The following CCKBR variants were observed in gnomAD, a reference collection of about 807,000 sequenced individuals.
CCKBR encodes the protein cholecystokinin B receptor.
In CCKBR, 33 loss-of-function variants were observed where a neutral mutation model predicts 34.6. That is an observed-to-expected ratio of 0.95 (90% confidence interval 0.72 to 1.27). The LOEUF (loss-of-function observed/expected upper bound fraction) is 1.27. CCKBR is among the 50% of genes most tolerant of loss of function. CCKBR has a pLI of 0.00. For synonymous variants in CCKBR, 269 were observed against 267.5 expected (o/e 1.01, Z -0.06); for missense variants, 652 against 617.4 (o/e 1.06, Z -0.59).
At chr11:6,262,150 G>A (rs908004182) in intron 1 of CCKBR, among the ~76,000 whole-genome samples, 7 of 152,198 alleles carry the variant, frequency 4.6e-5, no homozygotes, top group Admixed American at 2.0e-4. Context: ...AAATGTTAGT[G>A]GGGCATCCAG....
chr11:6,264,505 GA>G, intron 1 of CCKBR: 1 of 698,126 alleles, frequency 1.4e-6, no homozygotes, highest in Non-Finnish European at 2.6e-6. Context: ...TAAACACCAG[GA>G]GAAGAACTGA....
chr11:6,264,756 T>G (rs1848187071), intron 1 of CCKBR: 1 of 458,402 alleles, frequency 2.2e-6, no homozygotes, highest in African/African-American at 2.1e-5. Context: ...CATACAAGTC[T>G]AAGTCTGATT....
intron 3 of CCKBR, 151 bp downstream of exon 3, chr11:6,270,488 C>T (rs1025058582): frequency 5.8e-6 from 8 of 1,387,860 alleles, no homozygotes; most frequent in Non-Finnish European, 6.9e-6. Flanking sequence ...AGTTTGGGGC[C>T]CCTCCCCAGT....
At chr11:6,269,591 G>A in intron 1 of CCKBR, 78 bp from the exon 2 acceptor site, 1 of 1,527,712 alleles carries the variant, frequency 6.5e-7, no homozygotes. Context: ...AGTGAGGGTT[G>A]GGGATAAGAC....
In CCKBR at chr11:6,260,139, T is replaced by C. The variant is rs1043322194; in HGVS notation, c.151+60T>C. ...TTCTCACTGTACCCCAGAACACTAA[T>C]AGAGTCCCCCCAACGAGCTCCACAC... is the stretch of plus-strand genomic sequence containing the variant. On this transcript the variant is annotated intron_variant, in intron 1 of 4. Transcript: ENST00000334619. The C allele has an allele frequency of 1.5e-5, 19 of 1,263,740 alleles. No homozygotes were observed. In the African/African-American group the frequency reaches 3.0e-4, roughly 20 times the overall value. The allele number at this position is 1,263,740 out of a possible 1,614,324, so 78.3% of individuals were successfully genotyped here.
intron 1 of CCKBR, among the ~76,000 whole-genome samples, chr11:6,261,835 G>C (rs937072141): frequency 6.6e-6 from 1 of 152,132 alleles, no homozygotes; most frequent in Non-Finnish European, 1.5e-5. Context: ...GGAAGGCAGG[G>C]GGATACTTTA....
At position 6,270,206 on chromosome 11, in the gene CCKBR, G is replaced by T. The variant is rs892948534; in HGVS notation, c.522G>T (p.Val174=). The T allele has an allele frequency of 6.2e-7, 1 of 1,613,350 alleles. No individual in the cohort carries two copies. Among genetic ancestry groups the T allele is most frequent in the African/African-American group, 1.3e-5 (1 of 74,950 alleles). Reference sequence around the variant, plus strand: ...AGACGCGCTCCCACGCGGCTCGCGTGATTGTAGCCACGTGGCTGCTGTCCG... The same window carrying T: ...AGACGCGCTCCCACGCGGCTCGCGTTATTGTAGCCACGTGGCTGCTGTCCG... ...VWQTRSHAAR[V]IVATWLLSGL... is the part of the protein sequence containing the mutation. Residue 174 remains valine, a synonymous_variant, in exon 3 of 5, where the codon GTG becomes GTT. Coordinates refer to ENST00000334619, the MANE Select transcript of CCKBR (RefSeq NM_176875.4).
chr11:6,271,291 C>T lies in CCKBR; in HGVS notation c.1092C>T (p.His364=). 3.1e-6 allele frequency: 5 copies of T among 1,614,210 alleles called. No homozygotes were observed. The highest frequency in any genetic ancestry group is 4.2e-6 in the Non-Finnish European group (5 of 1,180,030). The change falls in exon 5 of 5, where the codon CAC becomes CAT. Residue 364 remains histidine (H), a synonymous_variant. Transcript: ENST00000334619. Reference sequence around the variant, plus strand: ...GCGCCTTTGATGGCCCGGGTGCACACCGAGCACTCTCGGGTGCTCCTATCT... The same window carrying T: ...GCGCCTTTGATGGCCCGGGTGCACATCGAGCACTCTCGGGTGCTCCTATCT... ...TWRAFDGPGA[H]RALSGAPISF...
Position 6,261,462 on chromosome 11 carries a change from T to TATATAC in CCKBR, c.151+1384_151+1385insTATACA, listed in dbSNP as rs764173521. Among the ~76,000 whole-genome samples, 377 of 63,980 alleles carry TATATAC rather than the reference T, an allele frequency of 5.9e-3. 12 individuals are homozygous for TATATAC. Among genetic ancestry groups the TATATAC allele is most frequent in the African/African-American group, 0.02 (331 of 16,670 alleles). 42.0% of individuals were successfully genotyped at this position (63,980 alleles called of 152,430 possible). ...AAAAAAAAAAAAAAAAAAATATATATACACACACACACACACACACACACA... is the reference window on the plus strand; with the variant it reads ...AAAAAAAAAAAAAAAAAAATATATATATATACACACACACACACACACACACACACA... On this transcript the variant is annotated intron_variant, in intron 1 of 4. Coordinates refer to ENST00000334619, the MANE Select transcript of CCKBR (RefSeq NM_176875.4).
Position 6,269,751 on chromosome 11 carries a change from C to T in CCKBR, c.234C>T (p.Val78=), listed in dbSNP as rs768018211. 15 of 1,614,006 alleles carry T rather than the reference C, an allele frequency of 9.3e-6. No individual in the cohort carries two copies. The highest frequency in any genetic ancestry group is 2.7e-5 in the African/African-American group (2 of 74,888). ...SVGGNMLIIV[V]LGLSRRLRTV... is the part of the protein sequence containing the mutation. The stretch of plus-strand genomic sequence containing the variant: ...GAGGAAATATGCTCATCATCGTGGT[C>T]CTGGGACTGAGCCGCCGCCTGAGGA... The change falls in exon 2 of 5, where the codon GTC becomes GTT. Residue 78 remains valine (V), a synonymous_variant. Transcript: ENST00000334619.
intron 1 of CCKBR, among the ~76,000 whole-genome samples, chr11:6,262,647 T>C (rs1029199228): frequency 2.7e-4 from 40 of 148,592 alleles, no homozygotes; most frequent in African/African-American, 9.6e-4. Flanking sequence ...TGAACCAAGG[T>C]ATGTAGCCAA....
chr11:6,271,114 G>A lies in CCKBR; in HGVS notation c.915G>A (p.Glu305=). The change falls in exon 5 of 5, where the codon GAG becomes GAA. Residue 305 remains glutamate, a synonymous_variant. Transcript: ENST00000334619. ...TTCCACGTTCCCGGCCTGCCCTGGA[G>A]CTGACGGCGCTGACGGCTCCTGGGC... ...VQLPRSRPAL[E]LTALTAPGPG... 1 of 1,613,946 alleles carries A rather than the reference G, an allele frequency of 6.2e-7. No homozygotes were observed. Among genetic ancestry groups the A allele is most frequent in the South Asian group, 1.1e-5 (1 of 91,052 alleles).
intron 1 of CCKBR, 95 bp from the exon 2 acceptor site, chr11:6,269,574 G>C (rs1386134746): frequency 2.8e-5 from 40 of 1,417,014 alleles, no homozygotes; most frequent in Non-Finnish European, 3.9e-5. Context: ...TAGGCATCTG[G>C]CTGGGTAGTG....
At chr11:6,267,641 A>T (rs1177066099) in intron 1 of CCKBR, among the ~76,000 whole-genome samples, 1 of 152,224 alleles carries the variant, frequency 6.6e-6, no homozygotes, top group Non-Finnish European at 1.5e-5. Context: ...TAAATACATC[A>T]ACCAGTCACA....
intron 3 of CCKBR, 105 bp downstream of exon 3, chr11:6,270,442 C>G: frequency 6.8e-7 from 1 of 1,463,670 alleles, no homozygotes; most frequent in Non-Finnish European, 9.3e-7. Flanking sequence ...AATTACCACG[C>G]CAACTCCTAT....
At chr11:6,260,169 T>TCC in intron 1 of CCKBR, 90 bp downstream of exon 1, 1 of 924,264 alleles carries the variant, frequency 1.1e-6, no homozygotes, top group Non-Finnish European at 1.5e-6. Context: ...CCACACTACC[T>TCC]TCTCAAACGT....
Position 6,271,047 on chromosome 11 carries a change from CTG to C in CCKBR, c.849_850del (p.Gly284ArgfsTer44), listed in dbSNP as rs1564889045. 6.2e-7 allele frequency: 1 copy of C among 1,614,216 alleles called. No homozygotes were observed. The highest frequency in any genetic ancestry group is 2.2e-5 in the East Asian group (1 of 44,876). On this transcript the variant is annotated frameshift_variant, in exon 5 of 5. Transcript: ENST00000334619. LOFTEE classifies it high-confidence loss of function. ...CAGAACGGGCGTTGCCGGCCTGAGA[CTG>C]GCGCGGTTGGCGAAGACAGCGATGG...
At chr11:6,261,460 T>C (rs867674821) in intron 1 of CCKBR, among the ~76,000 whole-genome samples, 6 of 34,390 alleles carry the variant, frequency 1.7e-4, no homozygotes, top group African/African-American at 5.0e-4. Flanking sequence ...AAAAAATATA[T>C]ATACACACAC....
chr11:6,265,067 C>A (rs552206671), intron 1 of CCKBR, among the ~76,000 whole-genome samples: 1 of 152,186 alleles, frequency 6.6e-6, no homozygotes, highest in Non-Finnish European at 1.5e-5. Flanking sequence ...AGTTTCACTG[C>A]CCTAAAAATC....
Sources: allele counts gnomAD v4.1 joint callset (sites outside exome capture counted in the v4.1 genomes callset), GRCh38; gene constraint gnomAD v4.1.1; transcripts MANE v1.5; gene names NCBI Gene and HGNC (gene_info 2026-07-23, HGNC 2026-07-21).